Variants in TRANK1 observed in about 807,000 individuals in gnomAD.
The protein encoded by TRANK1 is tetratricopeptide repeat and ankyrin repeat containing 1.
TRANK1 carries 198 observed loss-of-function variants against 266.0 expected under a neutral mutation model. That is an observed-to-expected ratio of 0.74 (90% CI 0.66 to 0.84). The LOEUF is 0.84. TRANK1 is among the 40% of genes least tolerant of loss of function. The probability of loss-of-function intolerance (pLI) is 0.00; values close to 1 mark genes in which losing one functional copy is unlikely to be tolerated. For missense variants in TRANK1, 3,326 were observed against 3,634.6 expected (o/e 0.92, Z 2.18); for synonymous variants, 1,396 against 1,384.1 (o/e 1.01, Z -0.19).
At chr3:36,884,437 C>T (rs910511471) in intron 8 of TRANK1, among the ~76,000 whole-genome samples, 1 of 152,180 alleles carries the variant, frequency 6.6e-6, no homozygotes, top group African/African-American at 2.4e-5. Flanking sequence ...TAAGGAAGTG[C>T]TCAAGGGGAC....
In TRANK1 at chr3:36,895,757, A is replaced by G. The variant is rs375958584; in HGVS notation, c.435T>C (p.Ser145=). The G allele has an allele frequency of 1.2e-5, 19 of 1,522,176 alleles. No individual in the cohort carries two copies. The African/African-American group carries it at 1.8e-4, about 14-fold the overall frequency. The allele number at this position is 1,522,176 out of a possible 1,614,324, so 94.3% of individuals were successfully genotyped here. ...AGAAACTTTGCAAAACAATGGAGTC[A>G]CCTAAAAGAAAGTTTCATAATTTAG... is the stretch of plus-strand genomic sequence containing the variant. ...FLVGVFTTMS[S]DSIVLQSFLP... The change falls in exon 5 of 24, where the codon AGT becomes AGC. Residue 145 remains serine, a splice_region_variant and synonymous_variant. Transcript: ENST00000645898.
At position 36,831,423 on chromosome 3, in the gene TRANK1, C is replaced by G; in HGVS notation, c.8160G>C (p.Gln2720His). ...LSQKQRKASIQRKLRRACLVV... is the reference protein window; with the variant it reads ...LSQKQRKASIHRKLRRACLVV... ...CCAGGCATGCCCTCCTCAACTTCCG[C>G]TGTATGGAGGCCTTCCGTTGCTTTT... The change falls in exon 22 of 24, where the codon CAG (glutamine) becomes CAC (histidine). Residue 2720 changes from glutamine (Q) to histidine (H), a missense_variant. By Grantham distance (24) the Gln-to-His change is conservative. Coordinates refer to ENST00000645898, the MANE Select transcript of TRANK1 (RefSeq NM_001329998.2). The surrounding 1 kb of genome is among the most constrained non-coding windows in gnomAD (Gnocchi z 5.0). 1.2e-6 allele frequency: 2 copies of G among 1,613,128 alleles called. No individual in the cohort carries two copies. The highest frequency in any genetic ancestry group is 1.7e-6 in the Non-Finnish European group (2 of 1,179,556).
chr3:36,908,243 TAAG>T, intron 2 of TRANK1, 77 bp downstream of exon 2: 1 of 1,224,730 alleles, frequency 8.2e-7, no homozygotes, highest in Non-Finnish European at 1.0e-6. Flanking sequence ...GGTGGAATGA[TAAG>T]AAATGAAAAG....
At chr3:36,867,909 A>G (rs1325344785) in intron 9 of TRANK1, among the ~76,000 whole-genome samples, 1 of 152,202 alleles carries the variant, frequency 6.6e-6, no homozygotes, top group African/African-American at 2.4e-5. Flanking sequence ...CGTTCTTCCC[A>G]TCTTTGCATG....
At chr3:36,938,816 G>A (rs569893364) in intron 1 of TRANK1, among the ~76,000 whole-genome samples, 56 of 151,972 alleles carry the variant, frequency 3.7e-4, no homozygotes, top group African/African-American at 1.2e-3. Context: ...AAAATTTAGC[G>A]GAGGGTGGTG....
intron 2 of TRANK1, among the ~76,000 whole-genome samples, chr3:36,903,971 A>G (rs1018528808): frequency 2.2e-4 from 33 of 150,726 alleles, no homozygotes; most frequent in Admixed American, 1.6e-3. Context: ...TTTATTTAAT[A>G]TCTTTGAGAC....
intron 18 of TRANK1, among the ~76,000 whole-genome samples, chr3:36,839,354 T>C (rs1052893637): frequency 6.6e-6 from 1 of 152,198 alleles, no homozygotes; most frequent in African/African-American, 2.4e-5. Flanking sequence ...TGATGCTATG[T>C]CTCAAAGCAC....
Position 36,830,924 on chromosome 3 carries a change from T to C in TRANK1, c.8659A>G (p.Arg2887Gly), listed in dbSNP as rs1272391082. 6.2e-6 allele frequency: 10 copies of C among 1,613,788 alleles called. No homozygotes were observed. Among genetic ancestry groups the C allele is most frequent in the Non-Finnish European group, 6.8e-6 (8 of 1,179,792 alleles). Reference sequence around the variant, plus strand: ...AGGTCCTCCACCATATCCGAAACCCTCTTGATGTGCTCCTGGACCTTCTGC... The same window carrying C: ...AGGTCCTCCACCATATCCGAAACCCCCTTGATGTGCTCCTGGACCTTCTGC... ...MLQKVQEHIK[R>G]VSDMVEDLYR... Residue 2887 changes from arginine (R) to glycine (G), a missense_variant, in exon 22 of 24, where the codon AGG becomes GGG. By Grantham distance (125) the Arg-to-Gly change is moderately radical (BLOSUM62 -2). Coordinates refer to ENST00000645898, the MANE Select transcript of TRANK1 (RefSeq NM_001329998.2).
Position 36,859,117 on chromosome 3 carries a change from C to T in TRANK1, c.1496-223G>A, listed in dbSNP as rs147542836. 4.4e-3 allele frequency among the ~76,000 whole-genome samples: 670 copies of T among 152,284 alleles called. 4 individuals are homozygous for T. Among genetic ancestry groups the T allele is most frequent in the Middle Eastern group, 6.8e-3 (2 of 294 alleles). ...GCACCCTGTCTGGGGGCCTCACCCC[C>T]GCCTCCTCTCCAGCTCCCCACCACA... On this transcript the variant is annotated intron_variant, in intron 11 of 23. Coordinates refer to ENST00000645898, the MANE Select transcript of TRANK1 (RefSeq NM_001329998.2).
intron 8 of TRANK1, among the ~76,000 whole-genome samples, chr3:36,886,005 A>C (rs1314092866): frequency 1.3e-5 from 2 of 152,100 alleles, no homozygotes; most frequent in Non-Finnish European, 2.9e-5. Context: ...AGGGTATGGG[A>C]GAAAGCAGAA....
At chr3:36,884,691 G>A (rs2079576501) in intron 8 of TRANK1, among the ~76,000 whole-genome samples, 2 of 152,164 alleles carry the variant, frequency 1.3e-5, no homozygotes, top group Non-Finnish European at 1.5e-5. Context: ...ACAGCACTTT[G>A]GGAGGCCCAG....
At chr3:36,862,958 T>C (rs561019249) in intron 10 of TRANK1, among the ~76,000 whole-genome samples, 5 of 151,882 alleles carry the variant, frequency 3.3e-5, no homozygotes, top group African/African-American at 1.2e-4. Flanking sequence ...TCATTTTCAA[T>C]AGGAAGAGCT....
chr3:36,908,703 T>A, intron 1 of TRANK1: 1 of 899,658 alleles, frequency 1.1e-6, no homozygotes, highest in Non-Finnish European at 1.3e-6. Flanking sequence ...GCATTAATGA[T>A]CTGGAGGAGG....
At chr3:36,886,937 C>T (rs1269543586) in intron 8 of TRANK1, among the ~76,000 whole-genome samples, 3 of 134,152 alleles carry the variant, frequency 2.2e-5, no homozygotes, top group Non-Finnish European at 3.1e-5. Context: ...GACAGAGTCT[C>T]GCTCTGTTGC....
At chr3:36,828,475 A>T (rs1172794599) in intron 23 of TRANK1, 100 bp from the exon 24 acceptor site, 2 of 820,260 alleles carry the variant, frequency 2.4e-6, no homozygotes, top group East Asian at 5.4e-5. Flanking sequence ...GGAAGGGAGG[A>T]AGGAAGAAAG....
intron 1 of TRANK1, among the ~76,000 whole-genome samples, chr3:36,937,016 G>A (rs1210783464): frequency 6.6e-6 from 1 of 152,078 alleles, no homozygotes; most frequent in Admixed American, 6.5e-5. Context: ...AGAATTGCTT[G>A]AGCCCGGGAG....
intron 10 of TRANK1, among the ~76,000 whole-genome samples, chr3:36,862,777 C>G (rs1191516474): frequency 1.3e-5 from 2 of 152,138 alleles, no homozygotes; most frequent in African/African-American, 4.8e-5. Context: ...CACAGAGAGT[C>G]TGAGATGGAA....
chr3:36,923,405 G>A (rs770447671), intron 1 of TRANK1, among the ~76,000 whole-genome samples: 19 of 151,912 alleles, frequency 1.3e-4, no homozygotes, highest in Non-Finnish European at 2.4e-4. Context: ...ACAGGCGTGC[G>A]CCACCACGCC....
intron 17 of TRANK1, among the ~76,000 whole-genome samples, chr3:36,843,862 C>A (rs1035191596): frequency 6.6e-6 from 1 of 152,140 alleles, no homozygotes; most frequent in Admixed American, 6.5e-5. Context: ...TGTAGCAGTA[C>A]AGTGATGACT....
Sources: allele counts gnomAD v4.1 joint callset (sites outside exome capture counted in the v4.1 genomes callset), GRCh38; gene constraint gnomAD v4.1.1; non-coding constraint Gnocchi (gnomAD v3.1); transcripts MANE v1.5; gene names NCBI Gene and HGNC (gene_info 2026-07-23, HGNC 2026-07-21).